The following CNTN4 variants were observed in gnomAD, a reference collection of about 807,000 sequenced individuals.
CNTN4 encodes the protein contactin-4.
CNTN4 carries 77 observed loss-of-function variants against 122.5 expected under a neutral mutation model. The observed-to-expected ratio is 0.63, with a 90% CI of 0.52 to 0.76. The LOEUF (loss-of-function observed/expected upper bound fraction) is 0.76. Among genes scored for constraint, CNTN4 ranks in the 30% least tolerant of loss-of-function variants. CNTN4 has a pLI of 0.00. For synonymous variants in CNTN4, 512 were observed against 447.0 expected (o/e 1.15, Z -1.83); for missense variants, 1,256 against 1,259.1 (o/e 1.00, Z 0.04).
chr3:2,374,280 G>A (rs1480209869), intron 3 of CNTN4, among the ~76,000 whole-genome samples: 2 of 152,168 alleles, frequency 1.3e-5, no homozygotes, highest in African/African-American at 4.8e-5. Flanking sequence ...GATACTACAG[G>A]TTGTCTCTGC....
At chr3:2,455,931 T>C (rs1235566200) in intron 3 of CNTN4, among the ~76,000 whole-genome samples, 1 of 152,084 alleles carries the variant, frequency 6.6e-6, no homozygotes, top group Non-Finnish European at 1.5e-5. Context: ...AGGGTTAATA[T>C]TCAAATATAT....
At chr3:2,390,193 G>A (rs1472474351) in intron 3 of CNTN4, among the ~76,000 whole-genome samples, 2 of 149,678 alleles carry the variant, frequency 1.3e-5, no homozygotes, top group Admixed American at 1.4e-4. Context: ...GAAACTTACT[G>A]TCAATGGGTT....
At chr3:2,857,052 G>C (rs112427728) in intron 7 of CNTN4, among the ~76,000 whole-genome samples, 5 of 152,268 alleles carry the variant, frequency 3.3e-5, no homozygotes, top group African/African-American at 1.2e-4. Context: ...AACCTCTATG[G>C]AATTCGAATC....
At chr3:2,810,911 G>A (rs1408461566) in intron 6 of CNTN4, among the ~76,000 whole-genome samples, 1 of 151,986 alleles carries the variant, frequency 6.6e-6, no homozygotes, top group African/African-American at 2.4e-5. Flanking sequence ...GTGAGGGCTG[G>A]AATCAGCACC....
At chr3:2,154,348 C>T (rs1264025450) in intron 2 of CNTN4, among the ~76,000 whole-genome samples, 4 of 151,032 alleles carry the variant, frequency 2.6e-5, no homozygotes, top group Non-Finnish European at 5.9e-5. Context: ...CGTGCCTGCA[C>T]TCCAGCCTGG....
chr3:2,930,939 G>A (rs944648960), intron 13 of CNTN4, among the ~76,000 whole-genome samples: 7 of 152,192 alleles, frequency 4.6e-5, no homozygotes, highest in African/African-American at 1.7e-4. Flanking sequence ...GTATTGAGAA[G>A]GACTACTGGA....
At position 2,445,895 on chromosome 3, in the gene CNTN4, ACATTGTCTGCATGTTCTGC is replaced by A. The variant is rs534103441; in HGVS notation, c.-89+106664_-89+106682del. Reference sequence around the variant, plus strand: ...GGTTTTGCAGAGATGGGGGAAGCCTACATTGTCTGCATGTTCTGCCCTTGTCTAGGTTGTATGATTCTTG... The same window carrying A: ...GGTTTTGCAGAGATGGGGGAAGCCTACCTTGTCTAGGTTGTATGATTCTTG... On this transcript the variant is annotated intron_variant, in intron 3 of 24. Transcript: ENST00000418658. Among the ~76,000 whole-genome samples the A allele has an allele frequency of 4.6e-5, 7 of 152,188 alleles. No individual in the cohort carries two copies. The East Asian group carries it at 1.2e-3, about 25-fold the overall frequency.
chr3:2,237,129 G>A (rs2039710180), intron 2 of CNTN4, among the ~76,000 whole-genome samples: 1 of 152,096 alleles, frequency 6.6e-6, no homozygotes, highest in Non-Finnish European at 1.5e-5. Flanking sequence ...TCTTAAGAGG[G>A]TTGAGGTAAG....
chr3:2,827,367 G>A lies in CNTN4; in HGVS notation c.454+7786G>A, dbSNP rs556633149. 7.8e-4 allele frequency among the ~76,000 whole-genome samples: 119 copies of A among 152,298 alleles called. 1 individual carries two copies. The highest frequency in any genetic ancestry group is 8.5e-4 in the Non-Finnish European group (58 of 68,034). On this transcript the variant is annotated intron_variant, in intron 7 of 24. Coordinates refer to ENST00000418658, the MANE Select transcript of CNTN4 (RefSeq NM_175607.3). ...ATGAGGATGAAAAGACATAACAAAT[G>A]TGGCAGCAATTTGCACAGTTAAAAC...
At chr3:2,978,784 C>T (rs7642453) in intron 13 of CNTN4, among the ~76,000 whole-genome samples, 69,197 of 151,760 alleles carry the variant, frequency 0.46, 18,731 homozygotes, top group African/African-American at 0.78. Flanking sequence ...CAGCAGTCTT[C>T]CTTTCCTGGA....
chr3:2,166,946 G>A (rs909118094), intron 2 of CNTN4, among the ~76,000 whole-genome samples: 1 of 151,990 alleles, frequency 6.6e-6, no homozygotes, highest in Non-Finnish European at 1.5e-5. Flanking sequence ...AGAAAGAAAC[G>A]AGAAAATATA....
intron 2 of CNTN4, among the ~76,000 whole-genome samples, chr3:2,234,754 G>C (rs1000084112): frequency 2.0e-5 from 3 of 152,152 alleles, no homozygotes; most frequent in Non-Finnish European, 2.9e-5. Flanking sequence ...TCGTCACAAA[G>C]AGCATATTTC....
chr3:3,008,925 G>A, intron 14 of CNTN4: 2 of 984,436 alleles, frequency 2.0e-6, no homozygotes, highest in Non-Finnish European at 2.4e-6. Flanking sequence ...TAAGCTGTGA[G>A]ATTCCAAAAG....
intron 2 of CNTN4, among the ~76,000 whole-genome samples, chr3:2,109,908 G>A (rs762229425): frequency 6.6e-6 from 1 of 152,170 alleles, no homozygotes; most frequent in Non-Finnish European, 1.5e-5. Context: ...TATAGAGAAA[G>A]TGATTACTTA....
intron 13 of CNTN4, among the ~76,000 whole-genome samples, chr3:2,932,535 C>T (rs984087842): frequency 1.3e-5 from 2 of 152,138 alleles, no homozygotes; most frequent in Admixed American, 6.5e-5. Context: ...CCAGCTTCTA[C>T]AGGTCACCTC....
intron 13 of CNTN4, among the ~76,000 whole-genome samples, chr3:2,931,369 C>G (rs2094518731): frequency 6.6e-6 from 1 of 152,162 alleles, no homozygotes; most frequent in African/African-American, 2.4e-5. Flanking sequence ...CCTAATACCA[C>G]TTGCCGCAGT....
At chr3:3,026,390 C>A in intron 15 of CNTN4, 113 bp downstream of exon 15, 1 of 905,804 alleles carries the variant, frequency 1.1e-6, no homozygotes, top group South Asian at 1.4e-5. Context: ...GCAAGAAACT[C>A]TTGGTTAATT....
At chr3:2,402,607 G>A (rs2046897536) in intron 3 of CNTN4, among the ~76,000 whole-genome samples, 1 of 151,750 alleles carries the variant, frequency 6.6e-6, no homozygotes, top group Non-Finnish European at 1.5e-5. Context: ...ATAAATTATT[G>A]TTAACTAGTG....
intron 3 of CNTN4, among the ~76,000 whole-genome samples, chr3:2,399,381 G>T (rs1459409990): frequency 6.6e-6 from 1 of 152,072 alleles, no homozygotes; most frequent in African/African-American, 2.4e-5. Context: ...TGCTTATGAT[G>T]TGGATGAAGG....
Sources: gnomAD v4.1 joint callset for allele counts (sites outside exome capture counted in the v4.1 genomes callset) on GRCh38, gnomAD v4.1.1 for gene constraint, MANE v1.5 for transcripts, NCBI Gene and HGNC (gene_info 2026-07-23, HGNC 2026-07-21) for gene names.